RNF8: variants seen among roughly 807,000 people sequenced by gnomAD.
RNF8 encodes the protein E3 ubiquitin-protein ligase RNF8.
In RNF8, 8 loss-of-function variants were observed where a neutral mutation model predicts 59.3. That is an observed-to-expected ratio of 0.13 (90% CI 0.08 to 0.24). The LOEUF (loss-of-function observed/expected upper bound fraction) is 0.24, where lower values mean the gene tolerates loss of function less well. Among genes scored for constraint, RNF8 ranks in the 10% least tolerant of loss-of-function variants. The pLI, the probability that RNF8 is intolerant of heterozygous loss-of-function variation, is 1.00. For missense variants in RNF8, 406 were observed against 572.6 expected (o/e 0.71, Z 2.97); for synonymous variants, 162 against 200.0 (o/e 0.81, Z 1.60).
chr6:37,360,389 A>T lies in RNF8; in HGVS notation c.112-57A>T. On this transcript the variant is annotated intron_variant, in intron 1 of 7. Coordinates refer to ENST00000373479, the MANE Select transcript of RNF8 (RefSeq NM_003958.4). This position sits in a 1 kb window ranked among gnomAD's most constrained non-coding sequence, Gnocchi z 4.2. ...TGCTGGTTGATGAGATTTGTAAAGG[A>T]CCTCCCTTTTCAGCACAATGACTGA... 3 of 1,600,530 alleles carry T rather than the reference A, an allele frequency of 1.9e-6. No homozygotes were observed. Among genetic ancestry groups the T allele is most frequent in the Non-Finnish European group, 2.6e-6 (3 of 1,169,060 alleles).
chr6:37,371,232 C>G (rs1769789421), intron 3 of RNF8, among the ~76,000 whole-genome samples: 1 of 152,138 alleles, frequency 6.6e-6, no homozygotes, highest in Admixed American at 6.6e-5. Flanking sequence ...TGGCGTTAGT[C>G]CATGAAGGAG....
rs1173058492 is a variant in RNF8, at chr6:37,369,177, C to G, written c.934C>G (p.Gln312Glu). The G allele has an allele frequency of 6.2e-7, 1 of 1,613,374 alleles. No individual in the cohort carries two copies. Among genetic ancestry groups the G allele is most frequent in the Admixed American group, 1.7e-5 (1 of 59,820 alleles). ...GGCTCAGCAGCAGGCAAGAGTGGAGCAACTAGAGAAGACTTTCCAGGAAGA... is the reference window on the plus strand; with the variant it reads ...GGCTCAGCAGCAGGCAAGAGTGGAGGAACTAGAGAAGACTTTCCAGGAAGA... ...EQAQQQARVE[Q>E]LEKTFQEEEQ... The change falls in exon 3 of 8, where the codon CAA becomes GAA. Residue 312 changes from glutamine (Q) to glutamate (E), a missense_variant. Gln to Glu is a conservative substitution (Grantham distance 29). Coordinates refer to ENST00000373479, the MANE Select transcript of RNF8 (RefSeq NM_003958.4).
At chr6:37,361,205 C>T (rs1769307446) in intron 2 of RNF8, 1 of 454,188 alleles carries the variant, frequency 2.2e-6, no homozygotes, top group African/African-American at 2.0e-5. Flanking sequence ...GTGGCACATG[C>T]CTGTAGTCCC....
At position 37,360,382 on chromosome 6, in the gene RNF8, G is replaced by A; in HGVS notation, c.112-64G>A. 2 of 1,600,556 alleles carry A rather than the reference G, an allele frequency of 1.2e-6. No homozygotes were observed. The highest frequency in any genetic ancestry group is 1.7e-6 in the Non-Finnish European group (2 of 1,169,288). Reference sequence around the variant, plus strand: ...CATATGCTGCTGGTTGATGAGATTTGTAAAGGACCTCCCTTTTCAGCACAA... The same window carrying A: ...CATATGCTGCTGGTTGATGAGATTTATAAAGGACCTCCCTTTTCAGCACAA... On this transcript the variant is annotated intron_variant, in intron 1 of 7. Transcript: ENST00000373479. The surrounding 1 kb of genome is among the most constrained non-coding windows in gnomAD (Gnocchi z 4.2).
chr6:37,389,300 A>G (rs1247602780), intron 7 of RNF8, among the ~76,000 whole-genome samples: 1 of 151,580 alleles, frequency 6.6e-6, no homozygotes, highest in Non-Finnish European at 1.5e-5. Flanking sequence ...GATATCGGTG[A>G]CTTTATCTAG....
intron 6 of RNF8, 150 bp downstream of exon 6, chr6:37,377,183 G>A (rs1770058519): frequency 7.3e-6 from 4 of 549,586 alleles, no homozygotes; most frequent in Admixed American, 6.7e-5. Context: ...AGCAGTTCTT[G>A]TGCCTCAGCC....
In RNF8 at chr6:37,374,228, T is replaced by C. The variant is rs531300811; in HGVS notation, c.1039-392T>C. Among the ~76,000 whole-genome samples the C allele has an allele frequency of 2.6e-4, 40 of 152,334 alleles. No homozygotes were observed. The South Asian group carries it at 7.5e-3, about 28-fold the overall frequency. ...TGAATAGCTTTTAATTACTTACTAGTTCTTAAATACTGTTCCCAGAATCAC... is the reference window on the plus strand; with the variant it reads ...TGAATAGCTTTTAATTACTTACTAGCTCTTAAATACTGTTCCCAGAATCAC... On this transcript the variant is annotated intron_variant, in intron 4 of 7. Transcript: ENST00000373479.
At position 37,392,352 on chromosome 6, in the gene RNF8, A is replaced by G. The variant is rs1031711608; in HGVS notation, c.*1594A>G. The G allele has an allele frequency of 2.5e-6, 1 of 397,996 alleles. No individual in the cohort carries two copies. The highest frequency in any genetic ancestry group is 4.4e-6 in the Non-Finnish European group (1 of 225,996). 24.7% of individuals were successfully genotyped at this position (397,996 alleles called of 1,614,324 possible). On this transcript the variant is annotated 3_prime_UTR_variant, in exon 8 of 8. Coordinates refer to ENST00000373479, the MANE Select transcript of RNF8 (RefSeq NM_003958.4). ...TTGTAATTCATTTTTAAGAGAGTACAGACATACACTTTTTGAGTAGGCAAT... is the reference window on the plus strand; with the variant it reads ...TTGTAATTCATTTTTAAGAGAGTACGGACATACACTTTTTGAGTAGGCAAT...
chr6:37,357,921 A>G (rs189393454), intron 1 of RNF8, among the ~76,000 whole-genome samples: 10 of 152,358 alleles, frequency 6.6e-5, no homozygotes, highest in African/African-American at 2.4e-4. Context: ...TGCTTATCTA[A>G]TTTATATTCT....
intron 2 of RNF8, among the ~76,000 whole-genome samples, chr6:37,365,263 A>T (rs1360286609): frequency 6.6e-6 from 1 of 152,186 alleles, no homozygotes; most frequent in Non-Finnish European, 1.5e-5. Context: ...AGTGTAGATA[A>T]TAAGATTCCA....
rs1769693412 is a variant in RNF8 at position 37,369,101 on chromosome 6, G to A, written c.858G>A (p.Val286=). 3.1e-6 allele frequency: 5 copies of A among 1,614,116 alleles called. No homozygotes were observed. In the Admixed American group the frequency reaches 8.3e-5, roughly 27 times the overall value. Residue 286 remains valine, a synonymous_variant, in exon 3 of 8, where the codon GTG becomes GTA. Coordinates refer to ENST00000373479, the MANE Select transcript of RNF8 (RefSeq NM_003958.4). ...QTQKGNSKKV[V]QMEQELQDLQ... is the part of the protein sequence containing the mutation. ...AAAAGGGGAACTCAAAGAAAGTTGT[G>A]CAAATGGAGCAGGAACTTCAGGACT...
chr6:37,354,571 G>A (rs2113810727), intron 1 of RNF8, among the ~76,000 whole-genome samples: 1 of 152,272 alleles, frequency 6.6e-6, no homozygotes, highest in South Asian at 2.1e-4. Context: ...GGGCCACAAG[G>A]GTTGGGGCGA....
rs755218256 is a variant in RNF8, at chr6:37,376,877, G to A, written c.1129-49G>A. 8.1e-6 allele frequency: 10 copies of A among 1,236,050 alleles called. No individual in the cohort carries two copies. The African/African-American group carries it at 1.3e-4, about 16-fold the overall frequency. The allele number at this position is 1,236,050 out of a possible 1,614,324, so 76.6% of individuals were successfully genotyped here. A position where few individuals can be genotyped will look rare whatever the true frequency, so the allele number is the denominator to read the frequency against. ...TTGACCCTGCTCCCTGTCCCATTTT[G>A]CATTTTTGTTGGTTCTCTGAATGAC... On this transcript the variant is annotated intron_variant, in intron 5 of 7. Transcript: ENST00000373479.
At chr6:37,364,318 C>T (rs1769461132) in intron 2 of RNF8, among the ~76,000 whole-genome samples, 1 of 150,536 alleles carries the variant, frequency 6.6e-6, no homozygotes, top group African/African-American at 2.5e-5. Flanking sequence ...ACTTTATTGC[C>T]AAGGTGGCTA....
In RNF8 at chr6:37,391,062, G is replaced by A; in HGVS notation, c.*304G>A. On this transcript the variant is annotated 3_prime_UTR_variant, in exon 8 of 8. Transcript: ENST00000373479. ...CTCTTCTGTTTTTTTTTAATTTGTT[G>A]TTGTTGTTACTGTTTTGATACCTCG... 1 of 549,464 alleles carries A rather than the reference G, an allele frequency of 1.8e-6. No homozygotes were observed. The highest frequency in any genetic ancestry group is 3.2e-6 in the Non-Finnish European group (1 of 308,954). The allele number at this position is 549,464 out of a possible 1,614,324, so 34.0% of individuals were successfully genotyped here. A position where few individuals can be genotyped will look rare whatever the true frequency, so the allele number is the denominator to read the frequency against.
At position 37,363,499 on chromosome 6, in the gene RNF8, A is replaced by T. The variant is rs117030681; in HGVS notation, c.240+2925A>T. ...AGACAAGCACTTCACAAAAGGTTCT[A>T]TCCAATGAAAAGTTGTTCAACCTCA... On this transcript the variant is annotated intron_variant, in intron 2 of 7. Coordinates refer to ENST00000373479, the MANE Select transcript of RNF8 (RefSeq NM_003958.4). Among the ~76,000 whole-genome samples the T allele has an allele frequency of 1.0e-3, 153 of 152,332 alleles. 5 individuals carry two copies. In the East Asian group the frequency reaches 0.026, roughly 26 times the overall value.
chr6:37,378,872 T>C (rs1398840906), intron 6 of RNF8, among the ~76,000 whole-genome samples: 1 of 152,204 alleles, frequency 6.6e-6, no homozygotes, highest in African/African-American at 2.4e-5. Context: ...AAATAAATGA[T>C]GAGTTAGCCA....
intron 6 of RNF8, among the ~76,000 whole-genome samples, chr6:37,379,588 A>G (rs892962020): frequency 9.2e-5 from 14 of 152,216 alleles, no homozygotes; most frequent in African/African-American, 3.4e-4. Context: ...GGGATTACTC[A>G]GAGGAGCCCC....
Position 37,354,152 on chromosome 6 carries a change from G to C in RNF8, c.-13G>C. ...CTCGCTCGGTGCTGACCGCCCCCGG[G>C]GTCGAGTAGGCGATGGGGGAGCCCG... On this transcript the variant is annotated 5_prime_UTR_variant, in exon 1 of 8. Transcript: ENST00000373479. 1.3e-6 allele frequency: 2 copies of C among 1,565,166 alleles called. No homozygotes were observed. The highest frequency in any genetic ancestry group is 2.4e-5 in the East Asian group (1 of 41,854).
Sources: gnomAD v4.1 joint callset for allele counts (sites outside exome capture counted in the v4.1 genomes callset) on GRCh38, gnomAD v4.1.1 for gene constraint, Gnocchi (gnomAD v3.1) non-coding constraint, MANE v1.5 for transcripts, NCBI Gene and HGNC (gene_info 2026-07-23, HGNC 2026-07-21) for gene names.